The following MARCHF11 variants were observed in gnomAD, a reference collection of about 807,000 sequenced individuals.
MARCHF11 encodes the protein E3 ubiquitin-protein ligase MARCHF11.
Under a neutral mutation model 37.3 loss-of-function variants are expected in MARCHF11, and 29 were observed. The ratio of observed to expected loss-of-function variants is 0.78; its 90% CI spans 0.58 to 1.06. MARCHF11 has a LOEUF of 1.06. Among genes scored for constraint, MARCHF11 ranks in the 50% least tolerant of loss-of-function variants. The pLI is 0.00. For missense variants in MARCHF11, 482 were observed against 533.4 expected, an observed-to-expected ratio of 0.90 and a Z score of 0.95; for synonymous variants, 233 against 228.0, an observed-to-expected ratio of 1.02 and a Z score of -0.20.
chr5:16,090,010 T>A (rs558439074), intron 3 of MARCHF11, among the ~76,000 whole-genome samples: 66 of 152,214 alleles, frequency 4.3e-4, no homozygotes, highest in African/African-American at 1.6e-3. Flanking sequence ...CATCAGAACC[T>A]CAGAGGGGCT....
chr5:16,122,190 A>C (rs555641841), intron 2 of MARCHF11, among the ~76,000 whole-genome samples: 1 of 152,194 alleles, frequency 6.6e-6, no homozygotes, highest in African/African-American at 2.4e-5. Context: ...GAAATTTGAC[A>C]GAAGGAAACT....
intron 3 of MARCHF11, among the ~76,000 whole-genome samples, chr5:16,080,976 A>C (rs1736599354): frequency 6.6e-6 from 1 of 151,968 alleles, no homozygotes; most frequent in Non-Finnish European, 1.5e-5. Flanking sequence ...GCCTCAACAA[A>C]CATCTTTTGT....
At chr5:16,161,784 T>C (rs918631160) in intron 2 of MARCHF11, among the ~76,000 whole-genome samples, 2 of 151,982 alleles carry the variant, frequency 1.3e-5, no homozygotes, top group Non-Finnish European at 2.9e-5. Flanking sequence ...CCAAGTCATG[T>C]ACAAGCCACT....
chr5:16,149,905 CATA>C (rs1737864553), intron 2 of MARCHF11, among the ~76,000 whole-genome samples: 1 of 150,424 alleles, frequency 6.6e-6, no homozygotes, highest in Admixed American at 6.6e-5. Context: ...ATCTCCCAAA[CATA>C]ATGTTAATCC....
At chr5:16,160,428 TA>T (rs1038194181) in intron 2 of MARCHF11, among the ~76,000 whole-genome samples, 4 of 146,906 alleles carry the variant, frequency 2.7e-5, no homozygotes, top group Non-Finnish European at 4.5e-5. Context: ...ATATTTATAA[TA>T]AAAATATAAA....
rs1738440007 is a variant in MARCHF11, at chr5:16,179,641, G to C, written c.-66C>G. The C allele has an allele frequency of 1.9e-6, 2 of 1,055,728 alleles. No homozygotes were observed. The highest frequency in any genetic ancestry group is 2.3e-6 in the Non-Finnish European group (2 of 871,208). 65.4% of individuals were successfully genotyped at this position (1,055,728 alleles called of 1,614,324 possible). A position where few individuals can be genotyped will look rare whatever the true frequency, so the allele number is the denominator to read the frequency against. ...GCCGGGCTCTGGCTGCAGGGAAAGA[G>C]AGCGCGGAGGGGGCGGGAGGGAGAG... is the stretch of plus-strand genomic sequence containing the variant. On this transcript the variant is annotated 5_prime_UTR_variant, in exon 1 of 4. Transcript: ENST00000332432.
At chr5:16,140,898 C>T (rs906379867) in intron 2 of MARCHF11, 9 of 152,040 alleles carry the variant, frequency 5.9e-5, no homozygotes, top group Admixed American at 2.6e-4. Context: ...AATAGAAAAA[C>T]TTGGAGACAT....
chr5:16,176,117 T>A (rs1441721975), intron 2 of MARCHF11, among the ~76,000 whole-genome samples: 1 of 151,780 alleles, frequency 6.6e-6, no homozygotes, highest in Non-Finnish European at 1.5e-5. Context: ...TTGCCCCAGC[T>A]CTTGATCTCC....
rs1252399569 is a variant in MARCHF11 at position 16,179,078 on chromosome 5, G to GTGGTGC, written c.492_497dup (p.Gln164_His165dup). ...GGAAGCAGATCTTGCAGATGGGCTG[G>GTGGTGC]TGGTGCTGGTGCTGGTGCCCAGCGC... On this transcript the variant is annotated inframe_insertion, in exon 1 of 4. Coordinates refer to ENST00000332432, the MANE Select transcript of MARCHF11 (RefSeq NM_001102562.3). 1.1e-5 allele frequency: 17 copies of GTGGTGC among 1,495,950 alleles called. No homozygotes were observed. Among genetic ancestry groups the GTGGTGC allele is most frequent in the East Asian group, 5.7e-5 (2 of 34,932 alleles). 92.7% of individuals were successfully genotyped at this position (1,495,950 alleles called of 1,614,324 possible). A position where few individuals can be genotyped will look rare whatever the true frequency, so the allele number is the denominator to read the frequency against.
intron 2 of MARCHF11, among the ~76,000 whole-genome samples, chr5:16,119,192 A>G (rs1025138403): frequency 2.6e-5 from 4 of 151,876 alleles, no homozygotes; most frequent in South Asian, 2.1e-4. Flanking sequence ...GTGAAAACCC[A>G]TCTCCACTAA....
At chr5:16,156,003 A>G (rs1737972983) in intron 2 of MARCHF11, among the ~76,000 whole-genome samples, 1 of 151,924 alleles carries the variant, frequency 6.6e-6, no homozygotes, top group Non-Finnish European at 1.5e-5. Flanking sequence ...TCCTGGAAAT[A>G]ACATGTTGAG....
intron 2 of MARCHF11, among the ~76,000 whole-genome samples, chr5:16,171,175 T>C (rs908083264): frequency 6.6e-6 from 1 of 152,114 alleles, no homozygotes; most frequent in Admixed American, 6.6e-5. Context: ...TACATATGTA[T>C]ACATGTGCCA....
chr5:16,107,920 G>C (rs1268366536), intron 2 of MARCHF11, among the ~76,000 whole-genome samples: 1 of 152,008 alleles, frequency 6.6e-6, no homozygotes, highest in African/African-American at 2.4e-5. Context: ...CCCCCTTCCA[G>C]CTCCCCATCT....
chr5:16,107,713 A>G (rs936329828), intron 2 of MARCHF11, among the ~76,000 whole-genome samples: 7 of 152,018 alleles, frequency 4.6e-5, no homozygotes, highest in African/African-American at 1.7e-4. Context: ...CTGTACCCAT[A>G]TAAATACCGA....
chr5:16,139,689 A>G (rs112033016), intron 2 of MARCHF11, among the ~76,000 whole-genome samples: 4,921 of 152,284 alleles, frequency 0.032, 286 homozygotes, highest in African/African-American at 0.11. Context: ...AACATCTAAC[A>G]CTATAAATAT....
chr5:16,138,888 G>A lies in MARCHF11; in HGVS notation c.693+38838C>T, dbSNP rs769921839. Among the ~76,000 whole-genome samples the A allele has an allele frequency of 3.9e-5, 6 of 152,190 alleles. No individual in the cohort carries two copies. The South Asian group carries it at 6.2e-4, about 16-fold the overall frequency. On this transcript the variant is annotated intron_variant, in intron 2 of 3. Transcript: ENST00000332432. The stretch of plus-strand genomic sequence containing the variant: ...GGCCAGTTTCTCCCATTTGGAACAG[G>A]TGTATTTGCCCAATGCCTGTAGCCC...
At chr5:16,138,233 C>T (rs1284934103) in intron 2 of MARCHF11, among the ~76,000 whole-genome samples, 1 of 152,126 alleles carries the variant, frequency 6.6e-6, no homozygotes, top group Non-Finnish European at 1.5e-5. Context: ...GCTCAGGGCC[C>T]CCTACTGTGT....
At chr5:16,154,633 G>A (rs1737937559) in intron 2 of MARCHF11, among the ~76,000 whole-genome samples, 1 of 151,760 alleles carries the variant, frequency 6.6e-6, no homozygotes, top group Non-Finnish European at 1.5e-5. Context: ...GTAATGATGT[G>A]AATATACATT....
Position 16,067,371 on chromosome 5 carries a change from T to C in MARCHF11, c.*100A>G, listed in dbSNP as rs1452032015. The stretch of plus-strand genomic sequence containing the variant: ...TATAAAAAGCATAAATTTTAAAAAG[T>C]TCATAGATGTGTTTTTAGAAGTGCT... On this transcript the variant is annotated 3_prime_UTR_variant, in exon 4 of 4. Transcript: ENST00000332432. 13 of 1,104,310 alleles carry C rather than the reference T, an allele frequency of 1.2e-5. No individual in the cohort carries two copies. Among genetic ancestry groups the C allele is most frequent in the Non-Finnish European group, 1.7e-5 (13 of 767,978 alleles). The allele number at this position is 1,104,310 out of a possible 1,614,324, so 68.4% of individuals were successfully genotyped here. A position where few individuals can be genotyped will look rare whatever the true frequency, so the allele number is the denominator to read the frequency against.
Sources: gnomAD v4.1 joint callset for allele counts (sites outside exome capture counted in the v4.1 genomes callset) on GRCh38, gnomAD v4.1.1 for gene constraint, MANE v1.5 for transcripts, NCBI Gene and HGNC (gene_info 2026-07-23, HGNC 2026-07-21) for gene names.